MLXIPL: variants seen among roughly 807,000 people sequenced by gnomAD.
MLXIPL encodes the protein MLX interacting protein like, also known as carbohydrate-responsive element-binding protein.
A neutral mutation model predicts 81.5 loss-of-function variants in MLXIPL; 49 were observed. That is an observed-to-expected ratio of 0.60 (90% CI 0.48 to 0.76). MLXIPL has a LOEUF of 0.76. Ranked by LOEUF, MLXIPL falls within the 30% of genes least tolerant of loss-of-function variation. The pLI, the probability that MLXIPL is intolerant of heterozygous loss-of-function variation, is 0.00. For missense variants in MLXIPL, 1,053 were observed against 1,167.0 expected, an observed-to-expected ratio of 0.90 and a Z score of 1.42; for synonymous variants, 466 against 485.5, an observed-to-expected ratio of 0.96 and a Z score of 0.53.
the MLXIPL span, among the ~76,000 whole-genome samples, chr7:73,642,389 T>C: frequency 6.6e-6 from 1 of 152,262 alleles, no homozygotes; most frequent in African/African-American, 2.4e-5. Context: ...TCTCACTCTG[T>C]CACCCAGGCT....
At chr7:73,624,633 T>C (rs1033171594), upstream of MLXIPL, 7 of 1,366,152 alleles carry the variant, frequency 5.1e-6, no homozygotes, top group Non-Finnish European at 6.6e-6. Flanking sequence ...GGGCGGGGCT[T>C]GTATTAGCAT....
At chr7:73,608,898 C>T (rs1795502665) in intron 2 of MLXIPL, among the ~76,000 whole-genome samples, 1 of 152,126 alleles carries the variant, frequency 6.6e-6, no homozygotes, top group South Asian at 2.1e-4. Flanking sequence ...GCAATCATAG[C>T]TCACTGAAGC....
At chr7:73,605,613 G>T in intron 7 of MLXIPL, 75 bp downstream of exon 7, 1 of 1,364,378 alleles carries the variant, frequency 7.3e-7, no homozygotes, top group Non-Finnish European at 1.0e-6. Flanking sequence ...TCCCAGAGGG[G>T]CCTGGGATGG....
chr7:73,597,119 C>A, intron 9 of MLXIPL, 63 bp downstream of exon 9: 1 of 1,519,130 alleles, frequency 6.6e-7, no homozygotes, highest in South Asian at 1.2e-5. Flanking sequence ...CCCAAAACCC[C>A]CTGTCCTCCC....
chr7:73,623,257 C>T lies in MLXIPL; in HGVS notation c.293+943G>A, dbSNP rs1206601037. 6.6e-6 allele frequency among the ~76,000 whole-genome samples: 1 copy of T among 152,228 alleles called. No individual in the cohort carries two copies. Among genetic ancestry groups the T allele is most frequent in the African/African-American group, 2.4e-5 (1 of 41,460 alleles). Reference sequence around the variant, plus strand: ...GTTCTCAGAAGGGGAGGAGGCGCCGCGGAGGAAGAGGAATATTTGCACAGA... The same window carrying T: ...GTTCTCAGAAGGGGAGGAGGCGCCGTGGAGGAAGAGGAATATTTGCACAGA... On this transcript the variant is annotated intron_variant, in intron 1 of 16. Coordinates refer to ENST00000313375, the MANE Select transcript of MLXIPL (RefSeq NM_032951.3). This position sits in a 1 kb window ranked among gnomAD's most constrained non-coding sequence, Gnocchi z 5.7.
chr7:73,616,222 C>A, intron 1 of MLXIPL, 45 bp from the exon 2 acceptor site: 1 of 1,497,900 alleles, frequency 6.7e-7, no homozygotes, highest in South Asian at 1.1e-5. Flanking sequence ...GCAGTGCTGC[C>A]ACAGAGGCTG....
Position 73,593,257 on chromosome 7 carries a change from CCA to C in MLXIPL, c.*606_*607del, listed in dbSNP as rs111426122. On this transcript the variant is annotated 3_prime_UTR_variant, in exon 17 of 17. Transcript: ENST00000313375. ...CTTTACAAAACCCACACACACACAT[CCA>C]CACACACACACACACATGATGCCTG... is the stretch of plus-strand genomic sequence containing the variant. The C allele has an allele frequency of 2.7e-3, 434 of 160,548 alleles. No individual in the cohort carries two copies. The highest frequency in any genetic ancestry group is 7.8e-3 in the South Asian group (45 of 5,758). 9.9% of individuals were successfully genotyped at this position (160,548 alleles called of 1,614,324 possible).
chr7:73,632,795 C>CTTCCTTCG, the MLXIPL span, among the ~76,000 whole-genome samples: 1 of 136,502 alleles, frequency 7.3e-6, no homozygotes, highest in African/African-American at 2.8e-5. Context: ...TCCTTCCTTC[C>CTTCCTTCG]TTCCGACGGA....
intron 2 of MLXIPL, among the ~76,000 whole-genome samples, chr7:73,613,240 C>T (rs1182594672): frequency 3.3e-5 from 5 of 152,156 alleles, no homozygotes; most frequent in Admixed American, 3.3e-4. Context: ...ATGTGTGTCA[C>T]GTGCTGCTAT....
chr7:73,609,108 C>G (rs1337684347), intron 2 of MLXIPL, among the ~76,000 whole-genome samples: 2 of 152,004 alleles, frequency 1.3e-5, no homozygotes, highest in African/African-American at 2.4e-5. Context: ...TGTGCCTGGC[C>G]TCTTCCTTTT....
chr7:73,625,119 G>A (rs534029925), upstream of MLXIPL, among the ~76,000 whole-genome samples: 1 of 152,296 alleles, frequency 6.6e-6, no homozygotes, highest in Admixed American at 6.5e-5. Context: ...AAGAGGTTGA[G>A]GCTGCAGTGA....
intron 7 of MLXIPL, among the ~76,000 whole-genome samples, chr7:73,602,355 GC>G (rs1554596627): frequency 1.3e-5 from 2 of 151,142 alleles, no homozygotes; most frequent in African/African-American, 2.4e-5. Flanking sequence ...GGGATTACAG[GC>G]CCCCCTGCTG....
At chr7:73,602,221 CTT>C (rs1554596577) in intron 7 of MLXIPL, among the ~76,000 whole-genome samples, 6 of 132,592 alleles carry the variant, frequency 4.5e-5, no homozygotes, top group Admixed American at 7.7e-5. Flanking sequence ...CTCTTTCTTT[CTT>C]TTTTTTTTTT....
chr7:73,625,452 G>A (rs1291200263), upstream of MLXIPL, among the ~76,000 whole-genome samples: 2 of 152,164 alleles, frequency 1.3e-5, no homozygotes, highest in Admixed American at 6.6e-5. Context: ...AACACCTCTA[G>A]TTAACATGGT....
intron 2 of MLXIPL, 28 bp downstream of exon 2, chr7:73,616,043 G>T (rs1795989128): frequency 6.3e-7 from 1 of 1,579,460 alleles, no homozygotes; most frequent in East Asian, 2.2e-5. Flanking sequence ...GTCCCTCCCG[G>T]CTTGGGAGGC....
chr7:73,607,505 C>G, intron 3 of MLXIPL, 85 bp from the exon 4 acceptor site: 2 of 1,565,622 alleles, frequency 1.3e-6, no homozygotes, highest in Admixed American at 3.6e-5. Context: ...TCCCTGTCTG[C>G]TCAGCGCAAG....
chr7:73,602,934 C>T (rs782078908), intron 7 of MLXIPL, among the ~76,000 whole-genome samples: 1 of 152,196 alleles, frequency 6.6e-6, no homozygotes, highest in Non-Finnish European at 1.5e-5. Context: ...CGCTTACCAT[C>T]GTTGCCCAGG....
At chr7:73,614,830 A>G (rs1210649219) in intron 2 of MLXIPL, among the ~76,000 whole-genome samples, 18 of 59,544 alleles carry the variant, frequency 3.0e-4, no homozygotes, top group African/African-American at 1.3e-3. Context: ...TTTTTTTTTG[A>G]GACGGAGTCT....
the MLXIPL span, among the ~76,000 whole-genome samples, chr7:73,641,375 T>A: frequency 1.3e-5 from 2 of 152,036 alleles, no homozygotes; most frequent in African/African-American, 4.8e-5. Flanking sequence ...CCCTGTAACA[T>A]GGGAGGAATT....
Sources: allele counts gnomAD v4.1 joint callset (sites outside exome capture counted in the v4.1 genomes callset), GRCh38; gene constraint gnomAD v4.1.1; non-coding constraint Gnocchi (gnomAD v3.1); transcripts MANE v1.5; gene names NCBI Gene and HGNC (gene_info 2026-07-23, HGNC 2026-07-21).